GLRA3: variants seen among roughly 807,000 people sequenced by gnomAD.
GLRA3 encodes the protein glycine receptor alpha 3, also known as glycine receptor subunit alpha-3.
A neutral mutation model predicts 60.4 loss-of-function variants in GLRA3; 44 were observed. The observed-to-expected ratio is 0.73, with a 90% CI of 0.57 to 0.94. The LOEUF (loss-of-function observed/expected upper bound fraction) is 0.94, where lower values mean the gene tolerates loss of function less well. Ranked by LOEUF, GLRA3 falls within the 40% of genes least tolerant of loss-of-function variation. The pLI is 0.00. For synonymous variants in GLRA3, 223 were observed against 192.9 expected, an observed-to-expected ratio of 1.16 and a Z score of -1.29; for missense variants, 508 against 564.6, an observed-to-expected ratio of 0.90 and a Z score of 1.02.
chr4:174,723,904 A>G (rs1736220217), intron 4 of GLRA3, among the ~76,000 whole-genome samples: 2 of 151,892 alleles, frequency 1.3e-5, no homozygotes, highest in African/African-American at 4.8e-5. Flanking sequence ...ATAAAATTAC[A>G]TATAGCAAAA....
At chr4:174,659,912 C>T (rs1188011212) in intron 7 of GLRA3, among the ~76,000 whole-genome samples, 2 of 148,412 alleles carry the variant, frequency 1.3e-5, no homozygotes, top group African/African-American at 5.0e-5. Context: ...GCAGAGGTTG[C>T]AGTGAGCCGA....
chr4:174,805,270 C>T (rs1229050535), intron 1 of GLRA3, among the ~76,000 whole-genome samples: 4 of 152,068 alleles, frequency 2.6e-5, no homozygotes, highest in Non-Finnish European at 4.4e-5. Flanking sequence ...TTTTGCACTC[C>T]TCTCTTCAAA....
At chr4:174,715,882 ATATC>A (rs1735899982) in intron 4 of GLRA3, among the ~76,000 whole-genome samples, 2 of 152,120 alleles carry the variant, frequency 1.3e-5, no homozygotes, top group African/African-American at 4.8e-5. Context: ...TCATATTTAT[ATATC>A]TATATGTTTA....
chr4:174,760,939 T>C (rs915463360), intron 3 of GLRA3, among the ~76,000 whole-genome samples: 22 of 152,180 alleles, frequency 1.4e-4, no homozygotes, highest in Non-Finnish European at 2.4e-4. Flanking sequence ...CATAAATTTA[T>C]ACCTGAAAAA....
chr4:174,720,806 T>A (rs1376554782), intron 4 of GLRA3, among the ~76,000 whole-genome samples: 1 of 152,136 alleles, frequency 6.6e-6, no homozygotes. Context: ...CAAACTCTAG[T>A]TTTCCTTTAT....
intron 9 of GLRA3, among the ~76,000 whole-genome samples, chr4:174,644,970 A>G (rs1016776476): frequency 2.0e-5 from 3 of 152,176 alleles, no homozygotes; most frequent in Admixed American, 2.0e-4. Context: ...TTAGAGTGTA[A>G]TGGTAGCTGG....
At chr4:174,717,481 G>A (rs1735972248) in intron 4 of GLRA3, among the ~76,000 whole-genome samples, 2 of 152,298 alleles carry the variant, frequency 1.3e-5, no homozygotes, top group South Asian at 4.1e-4. Context: ...ACATTTTTAT[G>A]TAGACCATAG....
Position 174,823,749 on chromosome 4 carries a change from A to G in GLRA3, c.71+4992T>C, listed in dbSNP as rs541222792. Among the ~76,000 whole-genome samples, 147 of 152,236 alleles carry G rather than the reference A, an allele frequency of 9.7e-4. 1 individual carries two copies. Among genetic ancestry groups the G allele is most frequent in the South Asian group, 4.8e-3 (23 of 4,826 alleles). On this transcript the variant is annotated intron_variant, in intron 1 of 9. Transcript: ENST00000274093. Reference sequence around the variant, plus strand: ...TAAAGTATGTCATCTGTAAATATGGACTAGTTTATTAGATTAGCTGAAATT... The same window carrying G: ...TAAAGTATGTCATCTGTAAATATGGGCTAGTTTATTAGATTAGCTGAAATT...
chr4:174,758,905 A>C (rs1051499470), intron 3 of GLRA3, among the ~76,000 whole-genome samples: 2 of 152,172 alleles, frequency 1.3e-5, no homozygotes, highest in African/African-American at 4.8e-5. Context: ...TAACTGAAGA[A>C]GGCAAATAAA....
At chr4:174,813,039 T>C (rs2111374641) in intron 1 of GLRA3, among the ~76,000 whole-genome samples, 1 of 152,244 alleles carries the variant, frequency 6.6e-6, no homozygotes, top group South Asian at 2.1e-4. Flanking sequence ...GCTAGCTATT[T>C]TCAACATGTA....
intron 5 of GLRA3, among the ~76,000 whole-genome samples, chr4:174,690,150 C>T (rs1353357588): frequency 6.6e-6 from 1 of 152,132 alleles, no homozygotes; most frequent in African/African-American, 2.4e-5. Context: ...ATAATGTGTA[C>T]ACATGGACTT....
chr4:174,659,636 T>C (rs1733358226), intron 7 of GLRA3, among the ~76,000 whole-genome samples: 1 of 134,584 alleles, frequency 7.4e-6, no homozygotes, highest in African/African-American at 2.5e-5. Flanking sequence ...TTGCTATCTA[T>C]TTTGAAATAT....
chr4:174,652,872 G>A (rs1733072730), intron 9 of GLRA3, among the ~76,000 whole-genome samples: 1 of 152,038 alleles, frequency 6.6e-6, no homozygotes. Context: ...AAACTTATGT[G>A]GATGTGAGAG....
chr4:174,790,625 A>C (rs920596333), intron 1 of GLRA3, among the ~76,000 whole-genome samples: 2 of 151,796 alleles, frequency 1.3e-5, no homozygotes, highest in African/African-American at 4.8e-5. Context: ...TCCTCCTACC[A>C]ACAAATATAC....
intron 2 of GLRA3, among the ~76,000 whole-genome samples, chr4:174,773,758 C>T (rs1738485740): frequency 1.3e-5 from 2 of 152,092 alleles, no homozygotes; most frequent in South Asian, 2.1e-4. Context: ...GAAGCAGAAT[C>T]CTGTTTGTTC....
chr4:174,672,400 G>A (rs1733941327), intron 7 of GLRA3, among the ~76,000 whole-genome samples: 4 of 152,106 alleles, frequency 2.6e-5, no homozygotes, highest in Admixed American at 2.6e-4. Context: ...TCCTCTCCAA[G>A]TCTTCCCTGT....
chr4:174,764,142 T>C (rs554348541), intron 3 of GLRA3, among the ~76,000 whole-genome samples: 2 of 152,250 alleles, frequency 1.3e-5, no homozygotes, highest in African/African-American at 4.8e-5. Context: ...TTTTTTTAAA[T>C]TTGTGCAAGA....
intron 2 of GLRA3, among the ~76,000 whole-genome samples, chr4:174,788,079 AT>A (rs60713566): frequency 0.082 from 12,482 of 151,980 alleles, 918 homozygotes; most frequent in East Asian, 0.42. Flanking sequence ...AACTTTGTTT[AT>A]TTTCTTTATT....
intron 5 of GLRA3, among the ~76,000 whole-genome samples, chr4:174,698,469 G>A (rs1735154802): frequency 6.6e-6 from 1 of 152,094 alleles, no homozygotes; most frequent in Non-Finnish European, 1.5e-5. Flanking sequence ...GATTACAAGT[G>A]TGAGCCACCA....
Sources: gnomAD v4.1 joint callset for allele counts (sites outside exome capture counted in the v4.1 genomes callset) on GRCh38, gnomAD v4.1.1 for gene constraint, MANE v1.5 for transcripts, NCBI Gene and HGNC (gene_info 2026-07-23, HGNC 2026-07-21) for gene names.